The following MCF2 variants were observed in gnomAD, a reference collection of about 807,000 sequenced individuals.
MCF2 encodes MCF.2 cell line derived transforming sequence, also known as proto-oncogene DBL.
MCF2 carries 44 observed loss-of-function variants against 82.5 expected under a neutral mutation model. The ratio of observed to expected loss-of-function variants is 0.53; its 90% CI spans 0.42 to 0.69. The LOEUF (loss-of-function observed/expected upper bound fraction) is 0.69. Among genes scored for constraint, MCF2 ranks in the 30% least tolerant of loss-of-function variants. MCF2 has a pLI of 0.00. For missense variants in MCF2, 623 were observed against 663.1 expected (o/e 0.94, Z 0.66); for synonymous variants, 217 against 224.9 (o/e 0.96, Z 0.32).
chrX:139,694,376 A>C (rs1935338937), intron 1 of MCF2, among the ~76,000 whole-genome samples: 1 of 109,363 alleles, frequency 9.1e-6, no homozygotes. Context: ...AATATCCTTC[A>C]AGGGATCGAG....
intron 5 of MCF2, 89 bp from the exon 9 acceptor site, chrX:139,626,396 T>C (rs987826507): frequency 4.9e-5 from 30 of 617,745 alleles, no homozygotes; most frequent in Non-Finnish European, 7.5e-5. Flanking sequence ...TTAAGAATTA[T>C]AGGCAAAGTC....
chrX:139,667,306 C>G (rs1351793332), intron 1 of MCF2, among the ~76,000 whole-genome samples: 4 of 109,218 alleles, frequency 3.7e-5, no homozygotes, highest in Non-Finnish European at 7.6e-5. Context: ...TAGGGTCTCA[C>G]TATGTTGCTC....
chrX:139,642,495 T>G lies in MCF2; in HGVS notation c.24A>C (p.Arg8Ser), dbSNP rs776194667. ...CATTCCTTCTGAACCTCATCTTGCC[T>G]CTCCGGGGATTTGCTTCTGCCATTT... Residue 8 changes from arginine to serine, a missense_variant, in exon 1 of 25, where the codon AGA (arginine) becomes AGC (serine). Arg to Ser is a moderately radical substitution (Grantham distance 110). Coordinates refer to ENST00000370576, the Ensembl canonical transcript of MCF2. 18 of 1,209,583 alleles carry G rather than the reference T, an allele frequency of 1.5e-5. No homozygotes were observed. In the Admixed American group the frequency reaches 2.2e-4, roughly 15 times the overall value.
intron 21 of MCF2, 42 bp from the exon 26 acceptor site, chrX:139,587,830 C>A: frequency 1.2e-6 from 1 of 846,695 alleles, no homozygotes; most frequent in Non-Finnish European, 1.7e-6. Context: ...AGAAGTCACA[C>A]TTCTTACTTC....
intron 1 of MCF2, among the ~76,000 whole-genome samples, chrX:139,678,172 T>A (rs187192213): frequency 1.6e-3 from 175 of 111,397 alleles, no homozygotes; most frequent in African/African-American, 5.6e-3. Context: ...CAAAAAAAAA[T>A]CTTTTTTAAT....
At chrX:139,616,582 T>C (rs1044005618) in intron 8 of MCF2, 109 bp from the exon 12 acceptor site, 12 of 398,820 alleles carry the variant, frequency 3.0e-5, no homozygotes, top group Non-Finnish European at 4.6e-5. Context: ...GAGTCAGAAA[T>C]GCTTTCAGAG....
intron 1 of MCF2, among the ~76,000 whole-genome samples, chrX:139,697,749 T>C (rs887332065): frequency 8.9e-6 from 1 of 112,307 alleles, no homozygotes; most frequent in Non-Finnish European, 1.9e-5. Flanking sequence ...CTTCAATTTG[T>C]TGCCATTTTA....
At chrX:139,666,582 C>T (rs1214520939) in intron 1 of MCF2, among the ~76,000 whole-genome samples, 1 of 111,402 alleles carries the variant, frequency 9.0e-6, no homozygotes, top group South Asian at 3.8e-4. Context: ...TGCTGTTAGT[C>T]TGATGCAGTT....
chrX:139,595,640 A>G (rs995423101), intron 19 of MCF2, among the ~76,000 whole-genome samples: 1 of 106,583 alleles, frequency 9.4e-6, no homozygotes, highest in African/African-American at 3.4e-5. Flanking sequence ...TGATGAGTTA[A>G]TGGGTGCAGC....
At chrX:139,669,378 A>T (rs747999706) in intron 1 of MCF2, among the ~76,000 whole-genome samples, 36 of 112,416 alleles carry the variant, frequency 3.2e-4, no homozygotes, top group Non-Finnish European at 5.4e-4. Context: ...AAGATGGACA[A>T]GAACAAGTGT....
intron 7 of MCF2, among the ~76,000 whole-genome samples, chrX:139,618,404 T>C (rs1028707336): frequency 9.0e-6 from 1 of 111,501 alleles, no homozygotes; most frequent in Non-Finnish European, 1.9e-5. Context: ...GTTCTGGAGC[T>C]GTTGCACAAC....
At chrX:139,640,297 T>C (rs1209743424) in intron 1 of MCF2, among the ~76,000 whole-genome samples, 1 of 111,894 alleles carries the variant, frequency 8.9e-6, no homozygotes, top group African/African-American at 3.3e-5. Context: ...TCATAAGGTC[T>C]GAACCATCTC....
intron 15 of MCF2, among the ~76,000 whole-genome samples, chrX:139,604,319 C>A (rs867073183): frequency 1.0e-4 from 10 of 98,682 alleles, no homozygotes; most frequent in Non-Finnish European, 1.0e-4. Flanking sequence ...GTTTTTTAGG[C>A]AAAAAAAAAA....
At chrX:139,674,321 A>C (rs1373795989) in intron 1 of MCF2, among the ~76,000 whole-genome samples, 1 of 111,780 alleles carries the variant, frequency 8.9e-6, no homozygotes, top group Non-Finnish European at 1.9e-5. Context: ...GCCCATTTAC[A>C]TTTAAGATTA....
chrX:139,661,385 GC>G (rs1934351423), intron 1 of MCF2, among the ~76,000 whole-genome samples: 1 of 111,858 alleles, frequency 8.9e-6, no homozygotes, highest in Non-Finnish European at 1.9e-5. Flanking sequence ...TGTTGTCCAG[GC>G]AGTCAACGCC....
At position 139,626,052 on chromosome X, in the gene MCF2, G is replaced by A. The variant is rs139926034; in HGVS notation, c.687+141C>T. The stretch of plus-strand genomic sequence containing the variant: ...TTAGTAGAGATTTTCTTCAGTCTAA[G>A]CCAAGGTTCATTTACATTTGCCTCC... On this transcript the variant is annotated intron_variant, in intron 6 of 24. Transcript: ENST00000370576. 1,958 of 347,709 alleles carry A rather than the reference G, an allele frequency of 5.6e-3. 14 individuals are homozygous for A. The highest frequency in any genetic ancestry group is 0.048 in the East Asian group (1,040 of 21,601). The allele number at this position is 347,709 out of a possible 1,213,427, so 28.7% of individuals were successfully genotyped here.
At chrX:139,690,486 A>T (rs1341142930) in intron 1 of MCF2, among the ~76,000 whole-genome samples, 1 of 109,944 alleles carries the variant, frequency 9.1e-6, no homozygotes, top group Non-Finnish European at 1.9e-5. Flanking sequence ...TGCTCTTAAG[A>T]CCGGAACTAG....
chrX:139,701,700 C>T (rs1935501688), intron 1 of MCF2, among the ~76,000 whole-genome samples: 1 of 112,216 alleles, frequency 8.9e-6, no homozygotes, highest in South Asian at 3.7e-4. Flanking sequence ...CTCACTCTGT[C>T]AATAGATTAT....
chrX:139,626,687 C>A lies in MCF2; in HGVS notation c.508G>T (p.Gly170Ter), dbSNP rs1932769883. Residue 170 changes from glycine to a stop codon, truncating the protein, a stop_gained, in exon 5 of 25, where the codon GGA (glycine) becomes TGA (stop). Coordinates refer to ENST00000370576, the Ensembl canonical transcript of MCF2. LOFTEE classifies it high-confidence loss of function. Reference sequence around the variant, plus strand: ...CATTCTAGTCTTGAACTGACAGCTCCTTCAGTGTCAGGCACTTCCAGATTT... The same window carrying A: ...CATTCTAGTCTTGAACTGACAGCTCATTCAGTGTCAGGCACTTCCAGATTT... 8.3e-7 allele frequency: 1 copy of A among 1,206,007 alleles called. No homozygotes were observed. Among genetic ancestry groups the A allele is most frequent in the South Asian group, 1.8e-5 (1 of 56,846 alleles).
Sources: gnomAD v4.1 joint callset for allele counts (sites outside exome capture counted in the v4.1 genomes callset) on GRCh38, gnomAD v4.1.1 for gene constraint, MANE v1.5 for transcripts, NCBI Gene and HGNC (gene_info 2026-07-23, HGNC 2026-07-21) for gene names.